GABRG1: variants seen among roughly 807,000 people sequenced by gnomAD.
The protein encoded by GABRG1 is gamma-aminobutyric acid receptor subunit gamma-1.
GABRG1 carries 49 observed loss-of-function variants against 49.8 expected under a neutral mutation model. The ratio of observed to expected loss-of-function variants is 0.98; its 90% confidence interval spans 0.78 to 1.25. The LOEUF (loss-of-function observed/expected upper bound fraction) is 1.25, where lower values mean the gene tolerates loss of function less well. Among genes scored for constraint, GABRG1 ranks in the 50% most tolerant of loss-of-function variants. The pLI is 0.00. For synonymous variants in GABRG1, 232 were observed against 185.1 expected (o/e 1.25, Z -2.06); for missense variants, 552 against 552.3 (o/e 1.00, Z 0.01).
intron 1 of GABRG1, among the ~76,000 whole-genome samples, chr4:46,117,037 C>G (rs1043473080): frequency 6.6e-6 from 1 of 150,418 alleles, no homozygotes; most frequent in African/African-American, 2.4e-5. Flanking sequence ...ACCTAATGTA[C>G]AACCATTAGT....
chr4:46,077,008 T>C (rs1719371423), intron 3 of GABRG1, among the ~76,000 whole-genome samples: 1 of 151,416 alleles, frequency 6.6e-6, no homozygotes, highest in African/African-American at 2.4e-5. Flanking sequence ...CATTACTAAA[T>C]AATATGCAAC....
At chr4:46,062,319 A>G (rs2109406235) in intron 5 of GABRG1, among the ~76,000 whole-genome samples, 1 of 152,092 alleles carries the variant, frequency 6.6e-6, no homozygotes, top group East Asian at 1.9e-4. Context: ...TATTGTGAAT[A>G]GTGCCGCAAT....
intron 3 of GABRG1, among the ~76,000 whole-genome samples, chr4:46,080,532 G>GT (rs1228445004): frequency 6.6e-6 from 1 of 151,464 alleles, no homozygotes; most frequent in South Asian, 2.1e-4. Context: ...ATTTAATTAG[G>GT]TTTTTTTAAA....
rs1375243245 is a variant in GABRG1 at position 46,038,399 on chromosome 4, G to T, written c.*2589C>A. 1 of 151,552 alleles carries T rather than the reference G, an allele frequency of 6.6e-6. No individual in the cohort carries two copies. The highest frequency in any genetic ancestry group is 1.9e-4 in the East Asian group (1 of 5,182). 9.4% of individuals were successfully genotyped at this position (151,552 alleles called of 1,614,324 possible). On this transcript the variant is annotated 3_prime_UTR_variant, in exon 9 of 9. Transcript: ENST00000295452. Reference sequence around the variant, plus strand: ...TATATAAACAAACATTTTTACAAATGATCTTATTCCTTGTGCTCCAGGTAT... The same window carrying T: ...TATATAAACAAACATTTTTACAAATTATCTTATTCCTTGTGCTCCAGGTAT...
At chr4:46,106,391 G>A (rs1333632423) in intron 1 of GABRG1, among the ~76,000 whole-genome samples, 1 of 151,190 alleles carries the variant, frequency 6.6e-6, no homozygotes, top group East Asian at 2.0e-4. Context: ...GGTTTGTTTG[G>A]TTTGTCTAAG....
chr4:46,099,204 A>C (rs892573037), intron 1 of GABRG1, among the ~76,000 whole-genome samples: 42 of 151,826 alleles, frequency 2.8e-4, no homozygotes, highest in African/African-American at 1.0e-3. Flanking sequence ...AGGATTATAC[A>C]TCCCTGTCCT....
At chr4:46,095,188 T>C (rs531625307) in intron 2 of GABRG1, among the ~76,000 whole-genome samples, 3 of 151,496 alleles carry the variant, frequency 2.0e-5, no homozygotes, top group African/African-American at 7.2e-5. Flanking sequence ...GGCAGGAAAA[T>C]AATGAAGAGA....
At chr4:46,122,862 A>T (rs746849429) in intron 1 of GABRG1, among the ~76,000 whole-genome samples, 1 of 152,066 alleles carries the variant, frequency 6.6e-6, no homozygotes, top group Non-Finnish European at 1.5e-5. Flanking sequence ...GTTGCATGGT[A>T]TGAGTACCAT....
chr4:46,122,262 T>C (rs1721108199), intron 1 of GABRG1, among the ~76,000 whole-genome samples: 1 of 152,100 alleles, frequency 6.6e-6, no homozygotes, highest in African/African-American at 2.4e-5. Flanking sequence ...TCTCTTGGGA[T>C]AGATAATATG....
At chr4:46,071,078 A>G (rs1719100534) in intron 3 of GABRG1, among the ~76,000 whole-genome samples, 1 of 152,014 alleles carries the variant, frequency 6.6e-6, no homozygotes, top group Non-Finnish European at 1.5e-5. Context: ...GGCCATTCTA[A>G]CGTCCTAGCA....
intron 8 of GABRG1, among the ~76,000 whole-genome samples, chr4:46,050,496 G>T (rs1718172843): frequency 6.6e-6 from 1 of 151,878 alleles, no homozygotes; most frequent in East Asian, 1.9e-4. Flanking sequence ...TTACAAGCTT[G>T]CCACTAATGC....
intron 1 of GABRG1, among the ~76,000 whole-genome samples, chr4:46,121,739 T>C (rs1721094153): frequency 6.6e-6 from 1 of 152,110 alleles, no homozygotes; most frequent in Admixed American, 6.6e-5. Context: ...TGAACTGTCA[T>C]AACTGAGGCC....
At chr4:46,090,941 C>CACACACACACAT (rs1719963476) in intron 2 of GABRG1, among the ~76,000 whole-genome samples, 3 of 138,614 alleles carry the variant, frequency 2.2e-5, no homozygotes, top group Non-Finnish European at 4.5e-5. Context: ...AATACACACA[C>CACACACACACAT]ACACACACAC....
At chr4:46,071,004 G>C (rs778680772) in intron 3 of GABRG1, among the ~76,000 whole-genome samples, 3 of 152,022 alleles carry the variant, frequency 2.0e-5, no homozygotes, top group African/African-American at 7.2e-5. Flanking sequence ...AGTCAATGAT[G>C]TACAACGTTG....
At chr4:46,057,852 A>T (rs1718509997) in intron 7 of GABRG1, among the ~76,000 whole-genome samples, 1 of 152,088 alleles carries the variant, frequency 6.6e-6, no homozygotes, top group African/African-American at 2.4e-5. Flanking sequence ...GTTATTAGTG[A>T]CTCAGCTATA....
intron 1 of GABRG1, among the ~76,000 whole-genome samples, chr4:46,123,101 A>AC (rs1721139869): frequency 1.5e-4 from 20 of 129,478 alleles, no homozygotes; most frequent in Non-Finnish European, 1.9e-4. Context: ...CATACACACA[A>AC]ACACACACAC....
intron 1 of GABRG1, among the ~76,000 whole-genome samples, chr4:46,113,440 T>G (rs889214067): frequency 5.3e-5 from 8 of 150,916 alleles, no homozygotes; most frequent in Admixed American, 2.7e-4. Flanking sequence ...ATGATTCAAT[T>G]ACATTCACCT....
At position 46,039,944 on chromosome 4, in the gene GABRG1, G is replaced by A. The variant is rs761203608; in HGVS notation, c.*1044C>T. Reference sequence around the variant, plus strand: ...GGAGCTGGAAGAGGCAATATGTAACGCAGGCCTAAAACTGTTTTCTGCATA... The same window carrying A: ...GGAGCTGGAAGAGGCAATATGTAACACAGGCCTAAAACTGTTTTCTGCATA... On this transcript the variant is annotated 3_prime_UTR_variant, in exon 9 of 9. Transcript: ENST00000295452. 6.6e-6 allele frequency: 1 copy of A among 151,656 alleles called. No homozygotes were observed. Among genetic ancestry groups the A allele is most frequent in the Non-Finnish European group, 1.5e-5 (1 of 67,786 alleles). The allele number at this position is 151,656 out of a possible 1,614,324, so 9.4% of individuals were successfully genotyped here.
intron 8 of GABRG1, among the ~76,000 whole-genome samples, chr4:46,041,636 T>A (rs963295496): frequency 6.3e-4 from 96 of 151,978 alleles, no homozygotes; most frequent in African/African-American, 2.0e-3. Context: ...TTATCGACTT[T>A]AATAAAAATG....
Sources: allele counts gnomAD v4.1 joint callset (sites outside exome capture counted in the v4.1 genomes callset), GRCh38; gene constraint gnomAD v4.1.1; transcripts MANE v1.5; gene names NCBI Gene and HGNC (gene_info 2026-07-23, HGNC 2026-07-21).